Variants in MYBL1 observed in about 807,000 individuals in gnomAD.
MYBL1 encodes MYB proto-oncogene like 1, also known as myb-related protein A.
In MYBL1, 17 loss-of-function variants were observed where a neutral mutation model predicts 96.3. The ratio of observed to expected loss-of-function variants is 0.18; its 90% confidence interval spans 0.12 to 0.26. The LOEUF (loss-of-function observed/expected upper bound fraction) is 0.26. Among genes scored for constraint, MYBL1 ranks in the 10% least tolerant of loss-of-function variants. MYBL1 has a pLI of 1.00. For synonymous variants in MYBL1, 282 were observed against 292.7 expected, an observed-to-expected ratio of 0.96 and a Z score of 0.37; for missense variants, 701 against 882.9, an observed-to-expected ratio of 0.79 and a Z score of 2.61.
chr8:66,607,863 C>A (rs951382215), intron 1 of MYBL1, among the ~76,000 whole-genome samples: 3 of 152,116 alleles, frequency 2.0e-5, no homozygotes, highest in Non-Finnish European at 4.4e-5. Flanking sequence ...TTCCTGACAC[C>A]CCAAATAGCC....
intron 12 of MYBL1, among the ~76,000 whole-genome samples, chr8:66,568,596 C>T (rs953291397): frequency 6.6e-6 from 1 of 152,064 alleles, no homozygotes; most frequent in Admixed American, 6.6e-5. Context: ...AGCCACCACC[C>T]CCGGTCTCAA....
intron 9 of MYBL1, among the ~76,000 whole-genome samples, chr8:66,577,293 T>C (rs1808998372): frequency 6.7e-6 from 1 of 149,954 alleles, no homozygotes; most frequent in Non-Finnish European, 1.5e-5. Flanking sequence ...AAATTGTCCC[T>C]GTTTGCAGAT....
rs376363077 is a variant in MYBL1 at position 66,597,317 on chromosome 8, T to C, written c.512+13A>G. The C allele has an allele frequency of 6.5e-7, 1 of 1,533,488 alleles. No individual in the cohort carries two copies. The highest frequency in any genetic ancestry group is 2.4e-5 in the East Asian group (1 of 41,738). 95.0% of individuals were successfully genotyped at this position (1,533,488 alleles called of 1,614,324 possible). A position where few individuals can be genotyped will look rare whatever the true frequency, so the allele number is the denominator to read the frequency against. On this transcript the variant is annotated intron_variant, in intron 5 of 15. Transcript: ENST00000522677. Reference sequence around the variant, plus strand: ...TTAAGTACAGAAAAATATATATACATTTATATAAGCACCTTCCTGGAAGTA... The same window carrying C: ...TTAAGTACAGAAAAATATATATACACTTATATAAGCACCTTCCTGGAAGTA...
chr8:66,577,809 T>C (rs1237181763), intron 9 of MYBL1, among the ~76,000 whole-genome samples: 12 of 152,246 alleles, frequency 7.9e-5, no homozygotes, highest in Admixed American at 4.6e-4. Context: ...GGAGGCATCA[T>C]GCTACCTGAT....
chr8:66,566,663 C>T (rs73261763), intron 14 of MYBL1, 21 bp downstream of exon 14: 57,200 of 1,485,588 alleles, frequency 0.039, 3,777 homozygotes, highest in African/African-American at 0.28. Context: ...AAAATAACAA[C>T]AATAATAATC....
intron 12 of MYBL1, among the ~76,000 whole-genome samples, chr8:66,567,328 A>C (rs1452428418): frequency 6.6e-6 from 1 of 152,216 alleles, no homozygotes; most frequent in Non-Finnish European, 1.5e-5. Flanking sequence ...AAAAACAGGA[A>C]ATATAGAACA....
chr8:66,581,612 G>A (rs1809215867), intron 8 of MYBL1, among the ~76,000 whole-genome samples: 1 of 152,140 alleles, frequency 6.6e-6, no homozygotes, highest in African/African-American at 2.4e-5. Context: ...GGAAGTCAAG[G>A]CTGCAGCAAA....
At chr8:66,577,142 G>A (rs548908223) in intron 9 of MYBL1, among the ~76,000 whole-genome samples, 39 of 151,718 alleles carry the variant, frequency 2.6e-4, no homozygotes, top group African/African-American at 9.2e-4. Flanking sequence ...GCGAAAACTG[G>A]AAGCATTCCC....
chr8:66,566,889 C>T lies in MYBL1; in HGVS notation c.1832G>A (p.Ser611Asn). The T allele has an allele frequency of 6.2e-7, 1 of 1,611,616 alleles. No homozygotes were observed. The highest frequency in any genetic ancestry group is 8.5e-7 in the Non-Finnish European group (1 of 1,178,330). Residue 611 changes from serine to asparagine, a missense_variant, in exon 13 of 16, where the codon AGC becomes AAC. Around this residue, in one of 5 missense-constraint regions of MYBL1, gnomAD observed 63 missense variants for 109.2 expected, o/e 0.58. Transcript: ENST00000522677. Reference protein sequence around the residue: ...LKEEDEPAYKSCKQENTASGK... With the variant: ...LKEEDEPAYKNCKQENTASGK... ...CTAGAAGATTACCTCTTGTTTGCAG[C>T]TTTTGTAAGCAGGTTCATCTTCCTC...
At chr8:66,611,813 A>G (rs1031098033) in intron 1 of MYBL1, among the ~76,000 whole-genome samples, 3 of 152,248 alleles carry the variant, frequency 2.0e-5, no homozygotes, top group African/African-American at 7.2e-5. Flanking sequence ...GAACTCTGCA[A>G]TGAATGACCC....
Position 66,610,508 on chromosome 8 carries a change from C to T in MYBL1, c.20+2311G>A, listed in dbSNP as rs938984870. The stretch of plus-strand genomic sequence containing the variant: ...CAGCAAAGTATAGTTTTCACTTGAA[C>T]GCTTAAGTGGTTGTATACTGGAGAT... On this transcript the variant is annotated intron_variant, in intron 1 of 15. Transcript: ENST00000522677. Among the ~76,000 whole-genome samples the T allele has an allele frequency of 3.3e-5, 5 of 151,850 alleles. No individual in the cohort carries two copies. The South Asian group carries it at 8.3e-4, about 25-fold the overall frequency.
chr8:66,583,043 A>C (rs1193955244), intron 8 of MYBL1, among the ~76,000 whole-genome samples: 1 of 152,210 alleles, frequency 6.6e-6, no homozygotes, highest in African/African-American at 2.4e-5. Context: ...ATATCTGCAG[A>C]ATATACATTC....
rs1480016033 is a variant in MYBL1, at chr8:66,564,835, A to C, written c.2131-10T>G. 1.3e-6 allele frequency: 2 copies of C among 1,542,434 alleles called. No homozygotes were observed. Among genetic ancestry groups the C allele is most frequent in the East Asian group, 4.7e-5 (2 of 42,596 alleles). On this transcript the variant is annotated splice_polypyrimidine_tract_variant and intron_variant, in intron 15 of 15. Coordinates refer to ENST00000522677, the MANE Select transcript of MYBL1 (RefSeq NM_001080416.4). ...CCCATTCACAATTTGACTAGAAAGG[A>C]AATATTAATAGTGACATGAAAATTA...
chr8:66,594,276 G>C (rs935028168), intron 6 of MYBL1, among the ~76,000 whole-genome samples: 11 of 151,966 alleles, frequency 7.2e-5, no homozygotes, highest in African/African-American at 2.7e-4. Flanking sequence ...TAGAATACTC[G>C]ATTAGTACCA....
chr8:66,565,781 G>A (rs1586545281), intron 15 of MYBL1, among the ~76,000 whole-genome samples: 1 of 152,040 alleles, frequency 6.6e-6, no homozygotes, highest in East Asian at 1.9e-4. Context: ...AGGAGAAGAG[G>A]TGCCAGAAGT....
rs1374588505 is a variant in MYBL1, at chr8:66,601,200, A to C, written c.198+498T>G. 4.0e-5 allele frequency among the ~76,000 whole-genome samples: 6 copies of C among 151,078 alleles called. No homozygotes were observed. The East Asian group carries it at 1.2e-3, about 29-fold the overall frequency. On this transcript the variant is annotated intron_variant, in intron 3 of 15. Transcript: ENST00000522677. ...CTCAAAAAAAAAAAAAAAAAAAAAA[A>C]AAAAGAGTACATGTGAAAATACTTC...
In MYBL1 at chr8:66,563,709, A is replaced by G. The variant is rs1201716055; in HGVS notation, c.*988T>C. On this transcript the variant is annotated 3_prime_UTR_variant, in exon 16 of 16. Coordinates refer to ENST00000522677, the MANE Select transcript of MYBL1 (RefSeq NM_001080416.4). ...CCACCCCCGATATAATTTAAAAAGA[A>G]AATATTAAATTATTATTTAGTACAT... 1 of 152,354 alleles carries G rather than the reference A, an allele frequency of 6.6e-6. No individual in the cohort carries two copies. The highest frequency in any genetic ancestry group is 1.9e-4 in the East Asian group (1 of 5,200). 9.4% of individuals were successfully genotyped at this position (152,354 alleles called of 1,614,324 possible).
At position 66,613,004 on chromosome 8, in the gene MYBL1, C is replaced by T; in HGVS notation, c.-166G>A. ...TCGACAGGGCAGGACGGAGGGACAGCGGGGGCGGACCGCGACCCGACCCCG... is the reference window on the plus strand; with the variant it reads ...TCGACAGGGCAGGACGGAGGGACAGTGGGGGCGGACCGCGACCCGACCCCG... On this transcript the variant is annotated 5_prime_UTR_variant, in exon 1 of 16. Transcript: ENST00000522677. 1.3e-6 allele frequency: 1 copy of T among 780,494 alleles called. No individual in the cohort carries two copies. Among genetic ancestry groups the T allele is most frequent in the East Asian group, 3.3e-5 (1 of 30,270 alleles). The allele number at this position is 780,494 out of a possible 1,614,324, so 48.3% of individuals were successfully genotyped here.
In MYBL1 at chr8:66,563,226, T is replaced by C. The variant is rs1042576149; in HGVS notation, c.*1471A>G. ...TGGTGGTCGCTCTTTCCTTCTCTCGTAGCAGCAAGCCGATTCTGCTATTTT... is the reference window on the plus strand; with the variant it reads ...TGGTGGTCGCTCTTTCCTTCTCTCGCAGCAGCAAGCCGATTCTGCTATTTT... On this transcript the variant is annotated 3_prime_UTR_variant, in exon 16 of 16. Transcript: ENST00000522677. 6.6e-6 allele frequency: 1 copy of C among 152,584 alleles called. No individual in the cohort carries two copies. Among genetic ancestry groups the C allele is most frequent in the Admixed American group, 6.5e-5 (1 of 15,272 alleles). The allele number at this position is 152,584 out of a possible 1,614,324, so 9.5% of individuals were successfully genotyped here.
Sources: allele counts gnomAD v4.1 joint callset (sites outside exome capture counted in the v4.1 genomes callset), GRCh38; gene constraint gnomAD v4.1.1; regional missense constraint gnomAD v4.1.1; transcripts MANE v1.5; gene names NCBI Gene and HGNC (gene_info 2026-07-23, HGNC 2026-07-21).